Variants in PITPNM3 observed in about 807,000 individuals in gnomAD.
PITPNM3 encodes the protein membrane-associated phosphatidylinositol transfer protein 3.
A neutral mutation model predicts 102.0 loss-of-function variants in PITPNM3; 26 were observed. The ratio of observed to expected loss-of-function variants is 0.25; its 90% CI spans 0.19 to 0.35. The LOEUF (loss-of-function observed/expected upper bound fraction) is 0.35, where lower values mean the gene tolerates loss of function less well. Among genes scored for constraint, PITPNM3 ranks in the 10% least tolerant of loss-of-function variants. The pLI is 1.00. For synonymous variants in PITPNM3, 578 were observed against 558.6 expected, an observed-to-expected ratio of 1.03 and a Z score of -0.49; for missense variants, 1,083 against 1,346.1, an observed-to-expected ratio of 0.80 and a Z score of 3.06.
rs1913931411 is a variant in PITPNM3, at chr17:6,453,068, CTCTG to C, written c.*2266_*2269del. On this transcript the variant is annotated 3_prime_UTR_variant, in exon 20 of 20. Coordinates refer to ENST00000262483, the MANE Select transcript of PITPNM3 (RefSeq NM_031220.4). ...TCCCTCTCTCTCTCTGCCTTCCTCT[CTCTG>C]TCTTCCTTTCTTTCCTCTGTCTTCC... 1 of 148,016 alleles carries C rather than the reference CTCTG, an allele frequency of 6.8e-6. No homozygotes were observed. Among genetic ancestry groups the C allele is most frequent in the Non-Finnish European group, 1.5e-5 (1 of 67,786 alleles). The allele number at this position is 148,016 out of a possible 1,614,324, so 9.2% of individuals were successfully genotyped here.
chr17:6,461,060 G>A, intron 18 of PITPNM3: 1 of 438,514 alleles, frequency 2.3e-6, no homozygotes, highest in Non-Finnish European at 4.3e-6. Context: ...CAAGCACAGA[G>A]TAAGGAACAC....
In PITPNM3 at chr17:6,556,161, G is replaced by A. The variant is rs1279851153; in HGVS notation, c.22+224C>T. 6.6e-6 allele frequency among the ~76,000 whole-genome samples: 1 copy of A among 151,966 alleles called. No individual in the cohort carries two copies. The highest frequency in any genetic ancestry group is 2.4e-5 in the African/African-American group (1 of 41,424). On this transcript the variant is annotated intron_variant, in intron 1 of 19. Transcript: ENST00000262483. This position sits in a 1 kb window ranked among gnomAD's most constrained non-coding sequence, Gnocchi z 5.2. Reference sequence around the variant, plus strand: ...CCCTTTCCGGCGGGGCCGTGGAGAAGGGGACGCGGTGTCCCCCGAGGTGAC... The same window carrying A: ...CCCTTTCCGGCGGGGCCGTGGAGAAAGGGACGCGGTGTCCCCCGAGGTGAC...
At chr17:6,464,882 GTC>G (rs1397003949) in intron 14 of PITPNM3, 111 bp from the exon 15 acceptor site, 2 of 1,003,696 alleles carry the variant, frequency 2.0e-6, no homozygotes, top group East Asian at 4.7e-5. Context: ...GCTGAATCAT[GTC>G]TCTCTACTAA....
rs1375164417 is a variant in PITPNM3, at chr17:6,556,345, C to G, written c.22+40G>C. The G allele has an allele frequency of 1.6e-5, 23 of 1,398,390 alleles. No individual in the cohort carries two copies. The highest frequency in any genetic ancestry group is 2.1e-5 in the Non-Finnish European group (23 of 1,071,328). The allele number at this position is 1,398,390 out of a possible 1,614,324, so 86.6% of individuals were successfully genotyped here. On this transcript the variant is annotated intron_variant, in intron 1 of 19. Transcript: ENST00000262483. The surrounding 1 kb of genome is among the most constrained non-coding windows in gnomAD (Gnocchi z 5.2). ...CCTCCTCTAGACGCGCGAGTCCCTC[C>G]CCCGGGCCCCGGCCCTGCCCTCCCC... is the stretch of plus-strand genomic sequence containing the variant.
At chr17:6,488,547 G>T (rs1906233368) in intron 4 of PITPNM3, among the ~76,000 whole-genome samples, 1 of 152,162 alleles carries the variant, frequency 6.6e-6, no homozygotes, top group Non-Finnish European at 1.5e-5. Context: ...ATCCCAGGAT[G>T]CACACATCCT....
chr17:6,464,385 G>C, intron 15 of PITPNM3, 67 bp from the exon 16 acceptor site: 1 of 1,545,082 alleles, frequency 6.5e-7, no homozygotes, highest in South Asian at 1.1e-5. Context: ...CAGAGGGGCT[G>C]GGCGGGGGAA....
intron 2 of PITPNM3, among the ~76,000 whole-genome samples, chr17:6,531,207 T>C (rs1909127535): frequency 6.6e-6 from 1 of 152,222 alleles, no homozygotes; most frequent in Non-Finnish European, 1.5e-5. Flanking sequence ...GCTGATATTT[T>C]CTAAATGAAG....
intron 3 of PITPNM3, among the ~76,000 whole-genome samples, chr17:6,520,747 A>C (rs1449335012): frequency 6.6e-6 from 1 of 152,252 alleles, no homozygotes; most frequent in Non-Finnish European, 1.5e-5. Context: ...GTCCATCATC[A>C]GATGAATGGA....
rs375133852 is a variant in PITPNM3 at position 6,463,726 on chromosome 17, A to T, written c.2306+6T>A. 40 of 1,610,716 alleles carry T rather than the reference A, an allele frequency of 2.5e-5. No homozygotes were observed. Among genetic ancestry groups the T allele is most frequent in the Non-Finnish European group, 3.3e-5 (39 of 1,179,614 alleles). On this transcript the variant is annotated splice_donor_region_variant and intron_variant, in intron 17 of 19. Coordinates refer to ENST00000262483, the MANE Select transcript of PITPNM3 (RefSeq NM_031220.4). The stretch of plus-strand genomic sequence containing the variant: ...AGATATAGCCCTCGTGGAAGGTGGC[A>T]CTCACCGGACAACATCCACTGCACC...
intron 3 of PITPNM3, among the ~76,000 whole-genome samples, chr17:6,513,070 C>CAAA (rs111265571): frequency 1.5e-5 from 2 of 129,842 alleles, no homozygotes; most frequent in African/African-American, 5.4e-5. Context: ...TACATGTCTG[C>CAAA]AAAAAAAAAA....
rs550147062 is a variant in PITPNM3, at chr17:6,550,154, C to T, written c.22+6231G>A. ...GAGGGCAGTTCAAGGTCAACCAGTG[C>T]CAAAGCCAGGGCTCTCCTTCGTTAG... On this transcript the variant is annotated intron_variant, in intron 1 of 19. Transcript: ENST00000262483. Among the ~76,000 whole-genome samples, 9 of 152,334 alleles carry T rather than the reference C, an allele frequency of 5.9e-5. No homozygotes were observed. The South Asian group carries it at 1.9e-3, about 32-fold the overall frequency.
intron 4 of PITPNM3, among the ~76,000 whole-genome samples, chr17:6,485,129 C>T (rs1905999534): frequency 6.6e-6 from 1 of 151,942 alleles, no homozygotes; most frequent in African/African-American, 2.4e-5. Flanking sequence ...AAAGCCAGTC[C>T]CTCATAATAA....
Position 6,469,556 on chromosome 17 carries a change from C to T in PITPNM3, c.1773+704G>A, listed in dbSNP as rs963263955. Among the ~76,000 whole-genome samples the T allele has an allele frequency of 6.6e-6, 1 of 152,240 alleles. No homozygotes were observed. The highest frequency in any genetic ancestry group is 1.5e-5 in the Non-Finnish European group (1 of 68,042). ...GGGCTCCCGTCTTTCTCCTACAACG[C>T]AGACAGCCACAAGCGCTCTCACCGT... is the stretch of plus-strand genomic sequence containing the variant. On this transcript the variant is annotated intron_variant, in intron 13 of 19. Coordinates refer to ENST00000262483, the MANE Select transcript of PITPNM3 (RefSeq NM_031220.4). The surrounding 1 kb of genome is among the most constrained non-coding windows in gnomAD (Gnocchi z 4.0).
intron 1 of PITPNM3, among the ~76,000 whole-genome samples, chr17:6,548,484 G>C (rs531780886): frequency 6.6e-6 from 1 of 152,130 alleles, no homozygotes; most frequent in African/African-American, 2.4e-5. Context: ...AGCCTCACGG[G>C]GGGCAGGAAG....
intron 14 of PITPNM3, among the ~76,000 whole-genome samples, chr17:6,466,898 A>C (rs994938275): frequency 2.0e-5 from 3 of 152,030 alleles, no homozygotes; most frequent in African/African-American, 7.2e-5. Context: ...TACAAAAAAT[A>C]AAATAAAATA....
chr17:6,544,865 T>G (rs448180), intron 1 of PITPNM3, among the ~76,000 whole-genome samples: 11 of 26,482 alleles, frequency 4.2e-4, no homozygotes, highest in Non-Finnish European at 7.4e-4. Flanking sequence ...ACACACACAC[T>G]CACACACACA....
At chr17:6,505,112 G>T (rs1907410642) in intron 3 of PITPNM3, among the ~76,000 whole-genome samples, 1 of 151,334 alleles carries the variant, frequency 6.6e-6, no homozygotes, top group Non-Finnish European at 1.5e-5. Context: ...GGAGGTGGAG[G>T]TTGCAGTGAG....
chr17:6,512,326 ACACAAACTGGCATGTG>A (rs67867017), intron 3 of PITPNM3, among the ~76,000 whole-genome samples: 3,881 of 152,276 alleles, frequency 0.025, 163 homozygotes, highest in African/African-American at 0.086. Flanking sequence ...GGAACTGCAA[ACACAAACTGGCATGTG>A]CACAAATATT....
In PITPNM3 at chr17:6,451,872, A is replaced by AAC. The variant is rs1913850870; in HGVS notation, c.*3464_*3465dup. 1.6e-5 allele frequency: 1 copy of AAC among 62,184 alleles called. No homozygotes were observed. The allele number at this position is 62,184 out of a possible 1,614,324, so 3.9% of individuals were successfully genotyped here. ...AGGTTTCCAGGGCACTTGGCACCCA[A>AAC]ACCCCCCCCCCCCGCCCGCCGATGG... On this transcript the variant is annotated 3_prime_UTR_variant, in exon 20 of 20. Coordinates refer to ENST00000262483, the MANE Select transcript of PITPNM3 (RefSeq NM_031220.4).
Sources: gnomAD v4.1 joint callset for allele counts (sites outside exome capture counted in the v4.1 genomes callset) on GRCh38, gnomAD v4.1.1 for gene constraint, Gnocchi (gnomAD v3.1) non-coding constraint, MANE v1.5 for transcripts, NCBI Gene and HGNC (gene_info 2026-07-23, HGNC 2026-07-21) for gene names.